Variants in GALNTL6 observed in about 807,000 individuals in gnomAD.
The protein encoded by GALNTL6 is polypeptide N-acetylgalactosaminyltransferase-like 6.
A neutral mutation model predicts 73.7 loss-of-function variants in GALNTL6; 46 were observed. That is an observed-to-expected ratio of 0.62 (90% CI 0.49 to 0.80). The LOEUF (loss-of-function observed/expected upper bound fraction) is 0.80. GALNTL6 is among the 30% of genes least tolerant of loss of function. The probability of loss-of-function intolerance (pLI) is 0.00; values close to 1 mark genes in which losing one functional copy is unlikely to be tolerated. For synonymous variants in GALNTL6, 259 were observed against 263.7 expected (o/e 0.98, Z 0.17); for missense variants, 604 against 755.0 (o/e 0.80, Z 2.34).
intron 10 of GALNTL6, among the ~76,000 whole-genome samples, chr4:172,988,236 T>C (rs1561072314): frequency 6.6e-6 from 1 of 152,134 alleles, no homozygotes; most frequent in Non-Finnish European, 1.5e-5. Flanking sequence ...GAGGAACTTA[T>C]TGGGAACTGG....
At chr4:171,998,795 A>C (rs1740577710) in intron 2 of GALNTL6, among the ~76,000 whole-genome samples, 2 of 152,324 alleles carry the variant, frequency 1.3e-5, no homozygotes, top group South Asian at 4.1e-4. Flanking sequence ...AAGTAGAAGC[A>C]AAAACATGTA....
chr4:171,823,899 C>CA (rs948846011), intron 2 of GALNTL6, among the ~76,000 whole-genome samples: 1 of 149,224 alleles, frequency 6.7e-6, no homozygotes, highest in African/African-American at 2.5e-5. Flanking sequence ...ATCCAGTTGC[C>CA]AAAAAATATT....
intron 3 of GALNTL6, among the ~76,000 whole-genome samples, chr4:172,251,996 A>G (rs1251662912): frequency 2.6e-5 from 4 of 152,200 alleles, no homozygotes; most frequent in African/African-American, 9.6e-5. Flanking sequence ...GGAAAAACAA[A>G]TTAGTGTACA....
chr4:171,867,120 A>G (rs1735992153), intron 2 of GALNTL6, among the ~76,000 whole-genome samples: 1 of 152,148 alleles, frequency 6.6e-6, no homozygotes, highest in Admixed American at 6.5e-5. Context: ...TGAAAACTAG[A>G]AAACTCTAGA....
intron 3 of GALNTL6, among the ~76,000 whole-genome samples, chr4:172,297,753 T>A (rs1472680959): frequency 3.3e-5 from 5 of 152,192 alleles, no homozygotes; most frequent in East Asian, 1.9e-4. Context: ...TGGTTACTGT[T>A]GCCTTGTAGT....
At chr4:172,554,591 TAGAA>T (rs1174097297) in intron 5 of GALNTL6, among the ~76,000 whole-genome samples, 1 of 152,204 alleles carries the variant, frequency 6.6e-6, no homozygotes, top group Non-Finnish European at 1.5e-5. Flanking sequence ...TCCTCCCCAC[TAGAA>T]AGAGTTACTT....
At chr4:172,338,852 G>A (rs183229197) in intron 4 of GALNTL6, among the ~76,000 whole-genome samples, 2 of 152,250 alleles carry the variant, frequency 1.3e-5, no homozygotes, top group Admixed American at 6.5e-5. Flanking sequence ...TACGACTGGC[G>A]CTGGGAAACC....
At chr4:172,837,518 G>T (rs1297573478) in intron 7 of GALNTL6, among the ~76,000 whole-genome samples, 1 of 152,164 alleles carries the variant, frequency 6.6e-6, no homozygotes, top group Non-Finnish European at 1.5e-5. Context: ...TAGTCTCAAA[G>T]TGTATTTCCT....
chr4:172,545,245 G>A (rs1579173836), intron 5 of GALNTL6, among the ~76,000 whole-genome samples: 1 of 152,128 alleles, frequency 6.6e-6, no homozygotes, highest in East Asian at 1.9e-4. Flanking sequence ...TATGGCTACA[G>A]CAGTTCAGAG....
rs1736203358 is a variant in GALNTL6 at position 172,557,847 on chromosome 4, A to C, written c.553+209158A>C. 2.0e-5 allele frequency among the ~76,000 whole-genome samples: 3 copies of C among 152,086 alleles called. No homozygotes were observed. The South Asian group carries it at 6.2e-4, about 32-fold the overall frequency. ...AAAAGAAATCTAGGTGTTTTTTTTA[A>C]GATGTTAAGCATATATCTACCTATG... is the stretch of plus-strand genomic sequence containing the variant. On this transcript the variant is annotated intron_variant, in intron 5 of 12. Coordinates refer to ENST00000506823, the MANE Select transcript of GALNTL6 (RefSeq NM_001034845.3).
chr4:172,008,550 T>A (rs563097114), intron 2 of GALNTL6, among the ~76,000 whole-genome samples: 1 of 152,190 alleles, frequency 6.6e-6, no homozygotes, highest in South Asian at 2.1e-4. Context: ...CTCCAATAAT[T>A]AGTCAGTCAT....
chr4:172,759,106 C>T (rs1579444471), intron 5 of GALNTL6, among the ~76,000 whole-genome samples: 1 of 152,196 alleles, frequency 6.6e-6, no homozygotes, highest in African/African-American at 2.4e-5. Flanking sequence ...CCTCTATTTA[C>T]TTTCTTGCCC....
intron 2 of GALNTL6, among the ~76,000 whole-genome samples, chr4:171,979,974 C>T (rs1739848034): frequency 6.6e-6 from 1 of 151,852 alleles, no homozygotes; most frequent in Non-Finnish European, 1.5e-5. Flanking sequence ...AACAGCTCCT[C>T]AAGAAGATTT....
At chr4:172,978,298 C>A (rs1430183441) in intron 10 of GALNTL6, among the ~76,000 whole-genome samples, 1 of 152,058 alleles carries the variant, frequency 6.6e-6, no homozygotes, top group East Asian at 1.9e-4. Flanking sequence ...TTGCCGAGTC[C>A]CAAGAACATG....
At chr4:172,277,263 C>CAAA (rs10645932) in intron 3 of GALNTL6, among the ~76,000 whole-genome samples, 37 of 145,622 alleles carry the variant, frequency 2.5e-4, no homozygotes, top group East Asian at 4.0e-4. Flanking sequence ...ATAAAAAATG[C>CAAA]AAAAAAAAAA....
chr4:172,546,809 T>TATATATATAC (rs1735782430), intron 5 of GALNTL6, among the ~76,000 whole-genome samples: 1 of 58,144 alleles, frequency 1.7e-5, no homozygotes, highest in African/African-American at 5.5e-5. Flanking sequence ...TATATATACG[T>TATATATATAC]ATATATATAC....
chr4:172,631,811 C>A (rs1739408638), intron 5 of GALNTL6, among the ~76,000 whole-genome samples: 1 of 152,134 alleles, frequency 6.6e-6, no homozygotes, highest in African/African-American at 2.4e-5. Context: ...AGAAGTACAT[C>A]TTTAATAAAG....
intron 5 of GALNTL6, among the ~76,000 whole-genome samples, chr4:172,368,962 C>T (rs993094633): frequency 6.6e-6 from 1 of 152,250 alleles, no homozygotes; most frequent in Admixed American, 6.5e-5. Flanking sequence ...GGCACAGACC[C>T]AAAGAATGAG....
intron 2 of GALNTL6, among the ~76,000 whole-genome samples, chr4:171,940,050 T>C (rs1738480664): frequency 6.6e-6 from 1 of 152,162 alleles, no homozygotes; most frequent in Non-Finnish European, 1.5e-5. Context: ...ATCACTTTAC[T>C]TGTATGAATG....
Sources: allele counts gnomAD v4.1 joint callset (sites outside exome capture counted in the v4.1 genomes callset), GRCh38; gene constraint gnomAD v4.1.1; transcripts MANE v1.5; gene names NCBI Gene and HGNC (gene_info 2026-07-23, HGNC 2026-07-21).